The following SBF2 variants were observed in gnomAD, a reference collection of about 807,000 sequenced individuals.
SBF2 encodes the protein myotubularin-related protein 13.
Under a neutral mutation model 225.2 loss-of-function variants are expected in SBF2, and 112 were observed. The ratio of observed to expected loss-of-function variants is 0.50; its 90% CI spans 0.43 to 0.58. SBF2 has a LOEUF of 0.58. SBF2 is among the 20% of genes least tolerant of loss of function. The probability of loss-of-function intolerance (pLI) is 0.00; values close to 1 mark genes in which losing one functional copy is unlikely to be tolerated. For missense variants in SBF2, 1,996 were observed against 2,206.2 expected (o/e 0.90, Z 1.91); for synonymous variants, 763 against 773.3 (o/e 0.99, Z 0.22).
At chr11:9,917,062 A>C (rs1435200071) in intron 16 of SBF2, among the ~76,000 whole-genome samples, 1 of 141,892 alleles carries the variant, frequency 7.0e-6, no homozygotes, top group Non-Finnish European at 1.6e-5. Flanking sequence ...TTTTATTTTC[A>C]TTTAAAAAAA....
At chr11:10,015,963 G>A (rs547387390) in intron 6 of SBF2, among the ~76,000 whole-genome samples, 48 of 152,186 alleles carry the variant, frequency 3.2e-4, no homozygotes, top group African/African-American at 1.1e-3. Flanking sequence ...TTTTAGTAGA[G>A]ATGGGGTCCC....
At chr11:9,851,650 A>T (rs1012315390) in intron 21 of SBF2, among the ~76,000 whole-genome samples, 2 of 152,202 alleles carry the variant, frequency 1.3e-5, no homozygotes. Flanking sequence ...GGCTCTAGTG[A>T]GTTTAGAGCT....
intron 2 of SBF2, among the ~76,000 whole-genome samples, chr11:10,047,324 G>A (rs187694245): frequency 6.6e-6 from 1 of 152,188 alleles, no homozygotes; most frequent in African/African-American, 2.4e-5. Context: ...ATACAATATT[G>A]GAGAAAAACA....
chr11:9,844,073 G>A (rs1007248335), intron 24 of SBF2, among the ~76,000 whole-genome samples: 14 of 152,164 alleles, frequency 9.2e-5, no homozygotes, highest in African/African-American at 3.1e-4. Context: ...GTTTCTAAAT[G>A]TAAAATACCA....
intron 16 of SBF2, among the ~76,000 whole-genome samples, chr11:9,898,908 G>C (rs1188508092): frequency 2.0e-5 from 3 of 152,124 alleles, no homozygotes; most frequent in African/African-American, 7.2e-5. Context: ...GCTAAGGACA[G>C]AAACTTGGGA....
intron 1 of SBF2, among the ~76,000 whole-genome samples, chr11:10,266,827 G>A (rs547084620): frequency 7.2e-5 from 11 of 152,206 alleles, no homozygotes; most frequent in Non-Finnish European, 1.2e-4. Context: ...GGTTGCTCAC[G>A]CCTGTAATCC....
rs113842917 is a variant in SBF2, at chr11:10,024,497, C to T, written c.619+3955G>A. Among the ~76,000 whole-genome samples the T allele has an allele frequency of 3.8e-3, 580 of 152,250 alleles. 6 individuals carry two copies. Among genetic ancestry groups the T allele is most frequent in the Non-Finnish European group, 6.2e-3 (422 of 68,016 alleles). Reference sequence around the variant, plus strand: ...CCCACTTCTCGCCAAGGTTGATAAGCCTCAAGTTGTGTGCCTTCTTCCAAT... The same window carrying T: ...CCCACTTCTCGCCAAGGTTGATAAGTCTCAAGTTGTGTGCCTTCTTCCAAT... On this transcript the variant is annotated intron_variant, in intron 6 of 39. Coordinates refer to ENST00000256190, the MANE Select transcript of SBF2 (RefSeq NM_030962.4).
intron 2 of SBF2, among the ~76,000 whole-genome samples, chr11:10,156,032 C>T (rs980157686): frequency 6.6e-6 from 1 of 152,198 alleles, no homozygotes; most frequent in African/African-American, 2.4e-5. Flanking sequence ...ACAGCTGCAG[C>T]CGCCCAGCTG....
chr11:9,977,038 G>A (rs746225477), intron 13 of SBF2, among the ~76,000 whole-genome samples: 8 of 152,104 alleles, frequency 5.3e-5, no homozygotes, highest in South Asian at 2.1e-4. Flanking sequence ...GATTACAAGC[G>A]TGAGCCACCG....
chr11:9,868,221 GCAGTGGCT>G (rs1296893577), intron 17 of SBF2, among the ~76,000 whole-genome samples: 1 of 151,606 alleles, frequency 6.6e-6, no homozygotes, highest in Admixed American at 6.6e-5. Flanking sequence ...TTGTTGGGGC[GCAGTGGCT>G]CACGCCTGTA....
intron 16 of SBF2, among the ~76,000 whole-genome samples, chr11:9,922,581 T>A (rs1207287138): frequency 6.6e-6 from 1 of 152,168 alleles, no homozygotes; most frequent in Non-Finnish European, 1.5e-5. Context: ...AACTTTTTTT[T>A]ATTTCACACA....
At chr11:10,218,449 G>T (rs1837978) in intron 1 of SBF2, among the ~76,000 whole-genome samples, 94,644 of 151,104 alleles carry the variant, frequency 0.63, 30,591 homozygotes, top group East Asian at 0.97. Flanking sequence ...ATTCCACCCC[G>T]GCCCCTCCCA....
intron 2 of SBF2, among the ~76,000 whole-genome samples, chr11:10,174,675 T>A (rs1225516576): frequency 6.6e-6 from 1 of 151,798 alleles, no homozygotes; most frequent in Non-Finnish European, 1.5e-5. Flanking sequence ...ACAAAGATAC[T>A]CCTCGAGAAG....
intron 1 of SBF2, among the ~76,000 whole-genome samples, chr11:10,245,931 C>T (rs1157492147): frequency 6.6e-6 from 1 of 152,084 alleles, no homozygotes; most frequent in East Asian, 1.9e-4. Flanking sequence ...TCTATAATAG[C>T]CAAACTCACA....
chr11:9,782,706 A>C (rs933178076), intron 38 of SBF2, among the ~76,000 whole-genome samples: 5 of 151,960 alleles, frequency 3.3e-5, no homozygotes, highest in Non-Finnish European at 7.4e-5. Context: ...CCCCGTCTCT[A>C]CTAAAAATAC....
chr11:10,064,406 T>C (rs1194760211), intron 2 of SBF2, among the ~76,000 whole-genome samples: 1 of 151,602 alleles, frequency 6.6e-6, no homozygotes, highest in Non-Finnish European at 1.5e-5. Context: ...GGCTGAAAAA[T>C]AAAGGGTAAA....
At chr11:10,147,103 C>T (rs1954924020) in intron 2 of SBF2, among the ~76,000 whole-genome samples, 1 of 151,000 alleles carries the variant, frequency 6.6e-6, no homozygotes, top group African/African-American at 2.4e-5. Flanking sequence ...AAAGGGAACA[C>T]TTATACACTC....
chr11:9,865,805 G>GA (rs1157370903), intron 17 of SBF2, among the ~76,000 whole-genome samples: 4 of 151,720 alleles, frequency 2.6e-5, no homozygotes, highest in African/African-American at 9.7e-5. Context: ...CCAGAGATGG[G>GA]ATTTGAACCC....
chr11:9,900,145 A>G (rs1861612211), intron 16 of SBF2, among the ~76,000 whole-genome samples: 2 of 152,198 alleles, frequency 1.3e-5, no homozygotes, highest in South Asian at 4.1e-4. Flanking sequence ...GTATTTTAAA[A>G]GAAAGCAGTT....
Sources: allele counts gnomAD v4.1 joint callset (sites outside exome capture counted in the v4.1 genomes callset), GRCh38; gene constraint gnomAD v4.1.1; transcripts MANE v1.5; gene names NCBI Gene and HGNC (gene_info 2026-07-23, HGNC 2026-07-21).